The following CNTNAP3 variants were observed in gnomAD, a reference collection of about 807,000 sequenced individuals.
CNTNAP3 encodes contactin associated protein family member 3, also known as contactin-associated protein-like 3.
CNTNAP3 carries 36 observed loss-of-function variants against 92.1 expected under a neutral mutation model. That is an observed-to-expected ratio of 0.39 (90% CI 0.30 to 0.52). The LOEUF is 0.52. CNTNAP3 is among the 20% of genes least tolerant of loss of function. CNTNAP3 has a pLI of 0.76. For synonymous variants in CNTNAP3, 232 were observed against 422.3 expected, an observed-to-expected ratio of 0.55 and a Z score of 5.53; for missense variants, 534 against 1,069.6, an observed-to-expected ratio of 0.50 and a Z score of 6.98.
chr9:39,125,891 C>T (rs1821143038), intron 13 of CNTNAP3, among the ~76,000 whole-genome samples: 1 of 152,122 alleles, frequency 6.6e-6, no homozygotes, highest in Non-Finnish European at 1.5e-5. Flanking sequence ...CCACTGGAGA[C>T]TTCAACACCC....
intron 10 of CNTNAP3, among the ~76,000 whole-genome samples, chr9:39,146,575 G>C (rs997441810): frequency 6.6e-6 from 1 of 152,146 alleles, no homozygotes; most frequent in African/African-American, 2.4e-5. Flanking sequence ...TGTAGTTCCA[G>C]CTACTCGGGA....
At chr9:39,086,627 T>C in intron 20 of CNTNAP3, 89 bp downstream of exon 20, 1 of 1,400,794 alleles carries the variant, frequency 7.1e-7, no homozygotes, top group Non-Finnish European at 9.6e-7. Flanking sequence ...GGGTTGCTCT[T>C]CTATTAATAT....
chr9:39,087,032 CCAG>C (rs1826076615), intron 19 of CNTNAP3, among the ~76,000 whole-genome samples, 183 bp from the exon 20 acceptor site: 1 of 151,918 alleles, frequency 6.6e-6, no homozygotes, highest in South Asian at 2.1e-4. Context: ...TATTCCTGTG[CCAG>C]ACTCTGAGTC....
chr9:39,146,271 C>T (rs556772997), intron 10 of CNTNAP3, among the ~76,000 whole-genome samples: 62 of 152,150 alleles, frequency 4.1e-4, no homozygotes, highest in African/African-American at 1.4e-3. Flanking sequence ...GTGACGGAGG[C>T]CTCCCTGCTC....
chr9:39,142,777 TCTC>T (rs1167174862), intron 11 of CNTNAP3, among the ~76,000 whole-genome samples: 1 of 152,134 alleles, frequency 6.6e-6, no homozygotes, highest in African/African-American at 2.4e-5. Flanking sequence ...TCCTGGACTG[TCTC>T]CTCTTTTGCC....
In CNTNAP3 at chr9:39,100,282, C is replaced by T. The variant is rs966357310; in HGVS notation, c.2756-132G>A. On this transcript the variant is annotated intron_variant, in intron 17 of 23. Coordinates refer to ENST00000297668, the MANE Select transcript of CNTNAP3 (RefSeq NM_033655.5). The stretch of plus-strand genomic sequence containing the variant: ...TGTCAAAAAATTTTGTGAACATACA[C>T]AATTTTGAAAATGTAACTGTTATGA... 3 of 1,564,476 alleles carry T rather than the reference C, an allele frequency of 1.9e-6. 1 individual carries two copies. The highest frequency in any genetic ancestry group is 2.6e-6 in the Non-Finnish European group (3 of 1,153,996).
In CNTNAP3 at chr9:39,067,332, T is replaced by C. The variant is rs1403928381; in HGVS notation, c.*6558A>G. Among the ~76,000 whole-genome samples the C allele has an allele frequency of 3.9e-5, 6 of 152,390 alleles. No homozygotes were observed. The East Asian group carries it at 1.2e-3, about 30-fold the overall frequency. On this transcript the variant is annotated 3_prime_UTR_variant, in exon 24 of 24. Coordinates refer to ENST00000297668, the MANE Select transcript of CNTNAP3 (RefSeq NM_033655.5). ...ATTTTTATCCTCATTATAGGTCCTA[T>C]TTTTCTGCCTCTTCACACACTTGGT...
intron 18 of CNTNAP3, among the ~76,000 whole-genome samples, chr9:39,093,758 C>T (rs528337640): frequency 2.0e-5 from 3 of 151,476 alleles, no homozygotes; most frequent in African/African-American, 7.3e-5. Flanking sequence ...ATTTTTTAAT[C>T]AATTCATGTG....
chr9:39,099,946 G>A lies in CNTNAP3; in HGVS notation c.2960C>T (p.Ala987Val), dbSNP rs1281020044. ...EKRRGVTCDC[A>V]FSAYDGPFCS... ...GAACGGCCCATCATAGGCTGAGAAG[G>A]CACAGTCACAGGTGACCCCCCTGCG... Residue 987 changes from alanine (A) to valine (V), a missense_variant, in exon 18 of 24, where the codon GCC becomes GTC. Transcript: ENST00000297668. 6 of 1,610,630 alleles carry A rather than the reference G, an allele frequency of 3.7e-6. No individual in the cohort carries two copies. The highest frequency in any genetic ancestry group is 2.7e-5 in the African/African-American group (2 of 74,800).
intron 16 of CNTNAP3, 57 bp from the exon 17 acceptor site, chr9:39,102,772 T>G (rs1316326144): frequency 1.5e-6 from 1 of 667,708 alleles, no homozygotes. Flanking sequence ...TTGAGTCTTG[T>G]GCAGACACAG....
chr9:39,110,804 C>T lies in CNTNAP3; in HGVS notation c.2238-1517G>A, dbSNP rs1033921267. ...ATAACAAAATGCTTATATTTATATA[C>T]TTTTGGTTATATTTTATCACATATA... On this transcript the variant is annotated intron_variant, in intron 14 of 23. Coordinates refer to ENST00000297668, the MANE Select transcript of CNTNAP3 (RefSeq NM_033655.5). Among the ~76,000 whole-genome samples, 6 of 152,044 alleles carry T rather than the reference C, an allele frequency of 3.9e-5. No individual in the cohort carries two copies. The South Asian group carries it at 1.2e-3, about 32-fold the overall frequency.
intron 14 of CNTNAP3, among the ~76,000 whole-genome samples, chr9:39,116,987 A>AATTATT (rs56028908): frequency 6.7e-4 from 100 of 150,338 alleles, no homozygotes; most frequent in Non-Finnish European, 1.0e-3. Context: ...TTTATTTATT[A>AATTATT]ATTATTATTA....
intron 21 of CNTNAP3, among the ~76,000 whole-genome samples, chr9:39,082,004 G>A (rs554346006): frequency 1.7e-4 from 26 of 150,442 alleles, no homozygotes; most frequent in East Asian, 4.0e-4. Flanking sequence ...GGAGAATGGC[G>A]TGAACCCGGG....
chr9:39,179,285 C>CTACACA lies in CNTNAP3; in HGVS notation c.539-931_539-926dup, dbSNP rs1174246025. Among the ~76,000 whole-genome samples the CTACACA allele has an allele frequency of 1.8e-3, 58 of 31,922 alleles. 2 individuals carry two copies. The highest frequency in any genetic ancestry group is 0.033 in the Middle Eastern group (2 of 60). The allele number at this position is 31,922 out of a possible 152,430, so 20.9% of individuals were successfully genotyped here. On this transcript the variant is annotated intron_variant, in intron 4 of 23. Coordinates refer to ENST00000297668, the MANE Select transcript of CNTNAP3 (RefSeq NM_033655.5). ...CAATTCCTTAAAACTCTCTCTCTCTCTACACACACACACACACACACACAC... is the reference window on the plus strand; with the variant it reads ...CAATTCCTTAAAACTCTCTCTCTCTCTACACATACACACACACACACACACACACAC...
chr9:39,098,135 A>C (rs993200733), intron 18 of CNTNAP3, among the ~76,000 whole-genome samples: 9 of 146,800 alleles, frequency 6.1e-5, no homozygotes, highest in African/African-American at 2.2e-4. Flanking sequence ...TGTTTCTCAA[A>C]TTTACTGTCT....
At chr9:39,127,611 CAA>C (rs1043080777) in intron 13 of CNTNAP3, among the ~76,000 whole-genome samples, 2 of 152,016 alleles carry the variant, frequency 1.3e-5, no homozygotes, top group African/African-American at 4.8e-5. Flanking sequence ...AGACATCAAA[CAA>C]ATAATAAGAA....
At chr9:39,101,043 C>T (rs1855010) in intron 17 of CNTNAP3, among the ~76,000 whole-genome samples, 23,395 of 133,430 alleles carry the variant, frequency 0.18, 2,435 homozygotes, top group East Asian at 0.32. Flanking sequence ...GTGAATTTTA[C>T]GCTAATTGTG....
In CNTNAP3 at chr9:39,108,335, T is replaced by C. The variant is rs1421829490; in HGVS notation, c.2365+825A>G. ...GATGTTGTGTTCTCTTTGAACTACT[T>C]AGCTGCCTACACGACTGGCTACAGA... On this transcript the variant is annotated intron_variant, in intron 15 of 23. Coordinates refer to ENST00000297668, the MANE Select transcript of CNTNAP3 (RefSeq NM_033655.5). Among the ~76,000 whole-genome samples, 4 of 151,998 alleles carry C rather than the reference T, an allele frequency of 2.6e-5. No individual in the cohort carries two copies. In the East Asian group the frequency reaches 7.8e-4, roughly 29 times the overall value.
At chr9:39,074,869 C>G (rs1358179563) in intron 23 of CNTNAP3, among the ~76,000 whole-genome samples, 1 of 152,252 alleles carries the variant, frequency 6.6e-6, no homozygotes, top group Admixed American at 6.5e-5. Flanking sequence ...CCCAGGTTCA[C>G]GCCATTCTCC....
Sources: gnomAD v4.1 joint callset for allele counts (sites outside exome capture counted in the v4.1 genomes callset) on GRCh38, gnomAD v4.1.1 for gene constraint, MANE v1.5 for transcripts, NCBI Gene and HGNC (gene_info 2026-07-23, HGNC 2026-07-21) for gene names.